PDE4D: variants seen among roughly 807,000 people sequenced by gnomAD.
The protein encoded by PDE4D is phosphodiesterase 4D.
Under a neutral mutation model 87.4 loss-of-function variants are expected in PDE4D, and 24 were observed. The ratio of observed to expected loss-of-function variants is 0.27; its 90% CI spans 0.20 to 0.39. The LOEUF is 0.39. Ranked by LOEUF, PDE4D falls within the 10% of genes least tolerant of loss-of-function variation. PDE4D has a pLI of 1.00. For synonymous variants in PDE4D, 384 were observed against 383.2 expected (o/e 1.00, Z -0.02); for missense variants, 714 against 1,041.0 (o/e 0.69, Z 4.32).
intron 1 of PDE4D, among the ~76,000 whole-genome samples, chr5:59,764,230 C>G (rs144629297): frequency 6.6e-6 from 1 of 152,224 alleles, no homozygotes; most frequent in East Asian, 1.9e-4. Flanking sequence ...AAGGTTCATG[C>G]AGACCAAGGC....
At chr5:59,174,039 T>C (rs1783434085) in intron 5 of PDE4D, among the ~76,000 whole-genome samples, 1 of 152,238 alleles carries the variant, frequency 6.6e-6, no homozygotes, top group Non-Finnish European at 1.5e-5. Context: ...AGTTGCTTAG[T>C]TTCTTTCATT....
At chr5:59,898,226 TG>T (rs945658789), upstream of PDE4D, among the ~76,000 whole-genome samples, 2 of 152,208 alleles carry the variant, frequency 1.3e-5, no homozygotes, top group African/African-American at 4.8e-5. Context: ...AAATCAATTT[TG>T]TAACTTTCTA....
chr5:59,974,849 T>C (rs533498207), intron 3 of PDE4D, among the ~76,000 whole-genome samples: 1 of 152,272 alleles, frequency 6.6e-6, no homozygotes, highest in African/African-American at 2.4e-5. Flanking sequence ...ATTCAATCAG[T>C]TTCTCTGGAT....
intron 1 of PDE4D, among the ~76,000 whole-genome samples, chr5:59,254,110 G>C (rs575520680): frequency 2.0e-5 from 3 of 152,160 alleles, no homozygotes; most frequent in South Asian, 4.2e-4. Context: ...AGCCCTTCCA[G>C]AGCTACATGA....
At chr5:59,060,454 T>C (rs1361503095) in intron 5 of PDE4D, among the ~76,000 whole-genome samples, 1 of 152,152 alleles carries the variant, frequency 6.6e-6, no homozygotes, top group African/African-American at 2.4e-5. Flanking sequence ...TACCTTAGTC[T>C]TTTTTGTGTC....
intron 5 of PDE4D, among the ~76,000 whole-genome samples, chr5:59,138,652 C>T (rs1581011002): frequency 6.6e-6 from 1 of 152,138 alleles, no homozygotes; most frequent in Non-Finnish European, 1.5e-5. Context: ...TGGGTGTGCT[C>T]CTTTTTGCAC....
chr5:59,429,301 T>C (rs1410893269), intron 1 of PDE4D, among the ~76,000 whole-genome samples: 1 of 152,168 alleles, frequency 6.6e-6, no homozygotes, highest in Non-Finnish European at 1.5e-5. Flanking sequence ...TGCTAGCCGG[T>C]CATAAAGTCA....
intron 1 of PDE4D, among the ~76,000 whole-genome samples, chr5:59,426,581 C>T (rs1165952276): frequency 2.0e-5 from 3 of 151,558 alleles, no homozygotes; most frequent in Admixed American, 6.6e-5. Context: ...CCAGCACTCC[C>T]ACAAGCACCC....
intron 1 of PDE4D, among the ~76,000 whole-genome samples, chr5:59,599,505 T>A (rs1827195841): frequency 6.6e-6 from 1 of 152,116 alleles, no homozygotes; most frequent in Non-Finnish European, 1.5e-5. Flanking sequence ...TCTCCCAAAG[T>A]GTAAAACACA....
chr5:59,931,349 A>G (rs2152788198), intron 3 of PDE4D, among the ~76,000 whole-genome samples: 1 of 152,324 alleles, frequency 6.6e-6, no homozygotes, highest in African/African-American at 2.4e-5. Flanking sequence ...ATGTTGATTA[A>G]TTTGGTTTAC....
At chr5:59,928,855 T>TTCTATATATTAGAAATTCTA (rs1554115341) in intron 3 of PDE4D, among the ~76,000 whole-genome samples, 2,989 of 149,768 alleles carry the variant, frequency 0.02, 104 homozygotes, top group African/African-American at 0.069. Context: ...TATTAGAAAT[T>TTCTATATATTAGAAATTCTA]TCTATATATT....
intron 1 of PDE4D, among the ~76,000 whole-genome samples, chr5:59,649,762 G>A (rs747105906): frequency 6.0e-5 from 9 of 150,938 alleles, no homozygotes; most frequent in East Asian, 1.9e-4. Context: ...TGTCACCGTT[G>A]CTTGGTATCC....
At chr5:59,682,963 T>C (rs1025621680) in intron 1 of PDE4D, among the ~76,000 whole-genome samples, 2 of 152,210 alleles carry the variant, frequency 1.3e-5, no homozygotes, top group African/African-American at 4.8e-5. Context: ...TGACAACTGA[T>C]TGAAAAGCAT....
At chr5:59,158,484 T>C (rs1780564302) in intron 5 of PDE4D, among the ~76,000 whole-genome samples, 1 of 152,214 alleles carries the variant, frequency 6.6e-6, no homozygotes, top group Non-Finnish European at 1.5e-5. Context: ...AGAATTTTCT[T>C]TTAACTCTTT....
At chr5:59,647,055 T>G (rs1258058210) in intron 1 of PDE4D, among the ~76,000 whole-genome samples, 1 of 152,066 alleles carries the variant, frequency 6.6e-6, no homozygotes, top group Non-Finnish European at 1.5e-5. Flanking sequence ...AAAAAAAAAT[T>G]TGTAGACAAC....
At chr5:59,465,055 C>T in intron 1 of PDE4D, among the ~76,000 whole-genome samples, 1 of 152,106 alleles carries the variant, frequency 6.6e-6, no homozygotes, top group East Asian at 1.9e-4. Context: ...AGGTGGCTTC[C>T]CATTGTTCTT....
chr5:59,589,317 T>A (rs1180635407), intron 1 of PDE4D, among the ~76,000 whole-genome samples: 2 of 152,206 alleles, frequency 1.3e-5, no homozygotes, highest in African/African-American at 2.4e-5. Flanking sequence ...CACAGAATTA[T>A]GCTGAGGAGA....
At chr5:60,290,173 G>A (rs1162495172) in intron 1 of PDE4D, among the ~76,000 whole-genome samples, 2 of 152,132 alleles carry the variant, frequency 1.3e-5, no homozygotes, top group African/African-American at 4.8e-5. Flanking sequence ...TATAACAGTT[G>A]CCAGTGTGGG....
At chr5:59,917,156 GA>G (rs111863032) in intron 3 of PDE4D, among the ~76,000 whole-genome samples, 4,595 of 151,930 alleles carry the variant, frequency 0.03, 218 homozygotes, top group African/African-American at 0.1. Context: ...AGGAGGAAGA[GA>G]AAAACTAATG....
Sources: gnomAD v4.1 joint callset for allele counts (sites outside exome capture counted in the v4.1 genomes callset) on GRCh38, gnomAD v4.1.1 for gene constraint, MANE v1.5 for transcripts, NCBI Gene and HGNC (gene_info 2026-07-23, HGNC 2026-07-21) for gene names.